The following CNTN3 variants were observed in gnomAD, a reference collection of about 807,000 sequenced individuals.
CNTN3 encodes the protein contactin 3, also known as contactin-3.
A neutral mutation model predicts 119.1 loss-of-function variants in CNTN3; 60 were observed. That is an observed-to-expected ratio of 0.50 (90% CI 0.41 to 0.62). CNTN3 has a LOEUF of 0.62. Ranked by LOEUF, CNTN3 falls within the 20% of genes least tolerant of loss-of-function variation. The pLI is 0.00. For missense variants in CNTN3, 1,101 were observed against 1,242.4 expected (o/e 0.89, Z 1.71); for synonymous variants, 450 against 438.7 (o/e 1.03, Z -0.32).
intron 4 of CNTN3, among the ~76,000 whole-genome samples, chr3:74,433,770 C>A (rs1423871271): frequency 1.3e-5 from 2 of 152,192 alleles, no homozygotes; most frequent in African/African-American, 4.8e-5. Flanking sequence ...TCCACTGACA[C>A]AGAAGACTTT....
intron 4 of CNTN3, among the ~76,000 whole-genome samples, chr3:74,470,683 C>T (rs888658001): frequency 2.6e-5 from 4 of 152,150 alleles, no homozygotes; most frequent in Non-Finnish European, 4.4e-5. Flanking sequence ...TTTCAGGTTA[C>T]TTGCAGAGGA....
chr3:74,514,633 C>G (rs1000382630), intron 2 of CNTN3, among the ~76,000 whole-genome samples: 3 of 152,056 alleles, frequency 2.0e-5, no homozygotes, highest in Admixed American at 2.0e-4. Flanking sequence ...CAACCAGATG[C>G]TTATATATGT....
chr3:74,396,470 T>C (rs1473109644), intron 5 of CNTN3, among the ~76,000 whole-genome samples: 1 of 152,168 alleles, frequency 6.6e-6, no homozygotes, highest in Non-Finnish European at 1.5e-5. Flanking sequence ...CTAACTTTCT[T>C]CAACTTTATA....
chr3:74,578,959 A>G (rs1241678961), intron 1 of CNTN3, among the ~76,000 whole-genome samples: 2 of 152,104 alleles, frequency 1.3e-5, no homozygotes, highest in Non-Finnish European at 2.9e-5. Context: ...GCTGCAATTA[A>G]AAGGCAAAGA....
chr3:74,267,017 G>C (rs1701674429), intron 21 of CNTN3, among the ~76,000 whole-genome samples: 1 of 152,082 alleles, frequency 6.6e-6, no homozygotes, highest in Non-Finnish European at 1.5e-5. Flanking sequence ...AGCATCAATA[G>C]TAGCAAACTA....
At chr3:74,437,819 G>T (rs1247044200) in intron 4 of CNTN3, among the ~76,000 whole-genome samples, 1 of 152,010 alleles carries the variant, frequency 6.6e-6, no homozygotes, top group East Asian at 1.9e-4. Flanking sequence ...AGACCTCCAG[G>T]TGGTATATCT....
rs577774912 is a variant in CNTN3 at position 74,386,796 on chromosome 3, G to A, written c.455-15397C>T. Among the ~76,000 whole-genome samples the A allele has an allele frequency of 2.6e-5, 4 of 152,292 alleles. No homozygotes were observed. The South Asian group carries it at 6.2e-4, about 24-fold the overall frequency. On this transcript the variant is annotated intron_variant, in intron 5 of 22. Transcript: ENST00000263665. ...CATACAGGAATGCATAACAAATGAT[G>A]AGTGTTCAATAAATGTTTGTGGTTA... is the stretch of plus-strand genomic sequence containing the variant.
intron 1 of CNTN3, among the ~76,000 whole-genome samples, chr3:74,567,880 T>A (rs1202607544): frequency 6.6e-6 from 1 of 152,146 alleles, no homozygotes; most frequent in African/African-American, 2.4e-5. Flanking sequence ...TCCGCCTCCT[T>A]GAAAACTTGG....
intron 20 of CNTN3, among the ~76,000 whole-genome samples, chr3:74,284,563 G>A (rs1702072698): frequency 6.6e-6 from 1 of 152,160 alleles, no homozygotes; most frequent in South Asian, 2.1e-4. Flanking sequence ...TAGCTAAGAT[G>A]AGGGCAATGA....
intron 1 of CNTN3, among the ~76,000 whole-genome samples, chr3:74,595,046 A>G (rs1005825719): frequency 6.6e-6 from 1 of 152,022 alleles, no homozygotes; most frequent in Non-Finnish European, 1.5e-5. Context: ...TCTGATGGCC[A>G]GTGATGATGA....
At chr3:74,281,209 C>T (rs1702001116) in intron 20 of CNTN3, among the ~76,000 whole-genome samples, 1 of 152,082 alleles carries the variant, frequency 6.6e-6, no homozygotes, top group Non-Finnish European at 1.5e-5. Context: ...ATCAGGATGT[C>T]AAGGCAAAGG....
chr3:74,288,679 G>A (rs1396690582), intron 19 of CNTN3, among the ~76,000 whole-genome samples: 1 of 152,120 alleles, frequency 6.6e-6, no homozygotes, highest in Non-Finnish European at 1.5e-5. Context: ...ATTTATCAAG[G>A]TCATTCTCCC....
intron 13 of CNTN3, among the ~76,000 whole-genome samples, chr3:74,310,824 C>T (rs566009256): frequency 2.8e-4 from 43 of 152,258 alleles, no homozygotes; most frequent in African/African-American, 9.6e-4. Context: ...GTTGCTACAG[C>T]CATCTTTGGA....
intron 4 of CNTN3, among the ~76,000 whole-genome samples, chr3:74,438,130 A>T (rs1296187919): frequency 6.6e-6 from 1 of 152,200 alleles, no homozygotes; most frequent in Admixed American, 6.5e-5. Flanking sequence ...ATGGGAACAA[A>T]TTATACCACT....
At chr3:74,585,353 A>C (rs1282809207) in intron 1 of CNTN3, among the ~76,000 whole-genome samples, 1 of 152,166 alleles carries the variant, frequency 6.6e-6, no homozygotes, top group African/African-American at 2.4e-5. Context: ...TAAATATTAA[A>C]GGATAACTAT....
intron 1 of CNTN3, among the ~76,000 whole-genome samples, chr3:74,536,149 T>C (rs1381039933): frequency 1.3e-5 from 2 of 152,072 alleles, no homozygotes; most frequent in Non-Finnish European, 2.9e-5. Context: ...TTTACGGAGA[T>C]GGTCCTCATT....
At chr3:74,444,108 C>G (rs1702009980) in intron 4 of CNTN3, among the ~76,000 whole-genome samples, 1 of 152,134 alleles carries the variant, frequency 6.6e-6, no homozygotes, top group South Asian at 2.1e-4. Context: ...AGCATTCTCC[C>G]TGTGTGTCTC....
chr3:74,336,295 TAACTCTTATTGCCTATC>T (rs1191350483), intron 12 of CNTN3, among the ~76,000 whole-genome samples: 2 of 152,164 alleles, frequency 1.3e-5, no homozygotes, highest in African/African-American at 4.8e-5. Flanking sequence ...ATGCTATTTG[TAACTCTTATTGCCTATC>T]AACCCAGCAC....
chr3:74,504,843 C>A (rs945152897), intron 2 of CNTN3, among the ~76,000 whole-genome samples: 1 of 152,030 alleles, frequency 6.6e-6, no homozygotes, highest in Non-Finnish European at 1.5e-5. Flanking sequence ...ACTAAAAGCC[C>A]AAGAGGGTGT....
Sources: allele counts gnomAD v4.1 joint callset (sites outside exome capture counted in the v4.1 genomes callset), GRCh38; gene constraint gnomAD v4.1.1; transcripts MANE v1.5; gene names NCBI Gene and HGNC (gene_info 2026-07-23, HGNC 2026-07-21).